STXBP6: variants seen among roughly 807,000 people sequenced by gnomAD.
STXBP6 encodes syntaxin-binding protein 6.
STXBP6 carries 21 observed loss-of-function variants against 26.9 expected under a neutral mutation model. That is an observed-to-expected ratio of 0.78 (90% CI 0.55 to 1.12). STXBP6 has a LOEUF of 1.12. Ranked by LOEUF, STXBP6 falls within the 50% of genes most tolerant of loss-of-function variation. STXBP6 has a pLI of 0.00. For synonymous variants in STXBP6, 97 were observed against 92.6 expected (o/e 1.05, Z -0.27); for missense variants, 232 against 257.9 (o/e 0.90, Z 0.69).
At chr14:24,893,561 C>T (rs2070869516) in intron 2 of STXBP6, among the ~76,000 whole-genome samples, 2 of 152,176 alleles carry the variant, frequency 1.3e-5, no homozygotes, top group South Asian at 4.1e-4. Context: ...AACAAAAAAG[C>T]CTCCATCTGT....
chr14:24,929,121 C>T (rs182127678), intron 2 of STXBP6, among the ~76,000 whole-genome samples: 3 of 152,308 alleles, frequency 2.0e-5, no homozygotes, highest in South Asian at 2.1e-4. Flanking sequence ...CTACTTTTCA[C>T]AAATTTATTC....
chr14:24,942,688 G>A (rs776045737), intron 2 of STXBP6, among the ~76,000 whole-genome samples: 1 of 152,238 alleles, frequency 6.6e-6, no homozygotes, highest in Non-Finnish European at 1.5e-5. Context: ...GTAGTGCTGT[G>A]AAGGCCATGA....
intron 2 of STXBP6, among the ~76,000 whole-genome samples, chr14:24,884,757 C>T (rs537263224): frequency 1.4e-3 from 171 of 120,830 alleles, no homozygotes; most frequent in Admixed American, 2.5e-3. Context: ...TTATGAATAC[C>T]CTATTAATAA....
intron 2 of STXBP6, among the ~76,000 whole-genome samples, chr14:24,912,814 C>T (rs997009585): frequency 4.6e-5 from 7 of 152,062 alleles, no homozygotes; most frequent in Non-Finnish European, 2.9e-5. Context: ...TATAACACTA[C>T]TTTTTAAAAA....
chr14:24,985,134 G>A (rs1278283390), intron 1 of STXBP6, among the ~76,000 whole-genome samples: 2 of 152,214 alleles, frequency 1.3e-5, no homozygotes, highest in Non-Finnish European at 2.9e-5. Context: ...TCTTGTGTGT[G>A]CATATCATGC....
rs569298397 is a variant in STXBP6, at chr14:25,004,811, G to A, written c.-32-29961C>T. Among the ~76,000 whole-genome samples, 137 of 152,368 alleles carry A rather than the reference G, an allele frequency of 9.0e-4. 1 individual carries two copies. The highest frequency in any genetic ancestry group is 3.1e-3 in the African/African-American group (127 of 41,578). On this transcript the variant is annotated intron_variant, in intron 1 of 5. Coordinates refer to ENST00000323944, the MANE Select transcript of STXBP6 (RefSeq NM_001394410.1). ...ATTCTACACTCAGCTACTGGGGAGT[G>A]CGCAGCAAGAAGCATAGCTTTCTAT...
intron 2 of STXBP6, among the ~76,000 whole-genome samples, chr14:24,952,552 T>C (rs2073204879): frequency 6.6e-6 from 1 of 152,190 alleles, no homozygotes; most frequent in African/African-American, 2.4e-5. Context: ...ATTATAGCCA[T>C]TCATTCTCTG....
chr14:24,962,074 A>T (rs756897519), intron 2 of STXBP6, among the ~76,000 whole-genome samples: 54 of 152,136 alleles, frequency 3.5e-4, no homozygotes, highest in Non-Finnish European at 6.6e-4. Flanking sequence ...TCTAGGTAAG[A>T]CACCTTCTTC....
chr14:24,955,716 C>T (rs1258176184), intron 2 of STXBP6, among the ~76,000 whole-genome samples: 1 of 152,058 alleles, frequency 6.6e-6, no homozygotes, highest in African/African-American at 2.4e-5. Context: ...GCCCTGCTTC[C>T]CCCAGCAAGT....
intron 2 of STXBP6, among the ~76,000 whole-genome samples, chr14:24,867,655 C>CAA (rs200946912): frequency 6.6e-5 from 10 of 151,324 alleles, no homozygotes; most frequent in Admixed American, 6.6e-4. Context: ...GTACTATACA[C>CAA]AAAAAAAATA....
chr14:24,835,743 A>AAT (rs1225365708), intron 4 of STXBP6, among the ~76,000 whole-genome samples: 1 of 152,192 alleles, frequency 6.6e-6, no homozygotes, highest in Admixed American at 6.5e-5. Flanking sequence ...TACAGATTAA[A>AAT]ATATTAATAT....
At chr14:24,921,387 T>C (rs560230543) in intron 2 of STXBP6, among the ~76,000 whole-genome samples, 1 of 152,264 alleles carries the variant, frequency 6.6e-6, no homozygotes, top group East Asian at 1.9e-4. Flanking sequence ...AGAAATTATA[T>C]TTACCTTTTA....
At position 25,029,961 on chromosome 14, in the gene STXBP6, T is replaced by A. The variant is rs1016257404; in HGVS notation, c.-33+19917A>T. ...AATAGCTACCATTTATCCTACTGAG[T>A]CCTCACGGTATGCAAGGCAGGGAGC... On this transcript the variant is annotated intron_variant, in intron 1 of 5. Transcript: ENST00000323944. 4.0e-5 allele frequency among the ~76,000 whole-genome samples: 6 copies of A among 151,774 alleles called. No individual in the cohort carries two copies. In the East Asian group the frequency reaches 1.2e-3, roughly 29 times the overall value.
At chr14:24,866,605 C>G (rs1223661816) in intron 2 of STXBP6, among the ~76,000 whole-genome samples, 1 of 151,906 alleles carries the variant, frequency 6.6e-6, no homozygotes, top group African/African-American at 2.4e-5. Flanking sequence ...GACTTGTACA[C>G]TGAAAACTAC....
At chr14:25,036,843 A>G (rs1276784034) in intron 1 of STXBP6, among the ~76,000 whole-genome samples, 7 of 147,012 alleles carry the variant, frequency 4.8e-5, no homozygotes, top group Non-Finnish European at 7.5e-5. Context: ...GCGACAGAGC[A>G]AGACTCCGTC....
At chr14:25,003,373 T>C (rs1457290799) in intron 1 of STXBP6, among the ~76,000 whole-genome samples, 1 of 152,204 alleles carries the variant, frequency 6.6e-6, no homozygotes, top group Non-Finnish European at 1.5e-5. Flanking sequence ...TCGTCATTAT[T>C]GAAATGTGCT....
intron 2 of STXBP6, among the ~76,000 whole-genome samples, chr14:24,891,406 A>G (rs1480746910): frequency 6.6e-6 from 1 of 152,220 alleles, no homozygotes; most frequent in Non-Finnish European, 1.5e-5. Context: ...GGTTAGCCTG[A>G]ATGTCAAAAG....
rs577691865 is a variant in STXBP6, at chr14:24,966,961, A to C, written c.154+7704T>G. On this transcript the variant is annotated intron_variant, in intron 2 of 5. Coordinates refer to ENST00000323944, the MANE Select transcript of STXBP6 (RefSeq NM_001394410.1). ...AGAGTAATATCGAGACATGATTATC[A>C]CTAAAGCCGTATGAGAGGGTAAGAA... 2.0e-5 allele frequency among the ~76,000 whole-genome samples: 3 copies of C among 152,340 alleles called. No homozygotes were observed. The East Asian group carries it at 5.8e-4, about 29-fold the overall frequency.
intron 1 of STXBP6, among the ~76,000 whole-genome samples, chr14:25,008,026 G>T (rs2074942717): frequency 6.6e-6 from 1 of 152,194 alleles, no homozygotes; most frequent in South Asian, 2.1e-4. Context: ...GAGTCCTGCA[G>T]ATGGCTCTGT....
Sources: gnomAD v4.1 joint callset for allele counts (sites outside exome capture counted in the v4.1 genomes callset) on GRCh38, gnomAD v4.1.1 for gene constraint, MANE v1.5 for transcripts, NCBI Gene and HGNC (gene_info 2026-07-23, HGNC 2026-07-21) for gene names.